RMP64: variants seen among roughly 807,000 people sequenced by gnomAD.
RMP64 encodes the protein ribonuclease MRP subunit p64, also known as nucleolus and neural progenitor protein.
At chr3:113,019,650 G>A in the RMP64 span, 1 of 1,611,520 alleles carries the variant, frequency 6.2e-7, no homozygotes, top group Non-Finnish European at 8.5e-7. Context: ...GCCATCATGC[G>A]AGGCGGGGGG....
the RMP64 span, chr3:113,010,899 C>T: frequency 2.4e-6 from 2 of 843,876 alleles, no homozygotes; most frequent in Non-Finnish European, 1.8e-6. Context: ...ACAGGTATTA[C>T]CATACCTCTC....
the RMP64 span, chr3:113,019,492 GC>G: frequency 6.8e-7 from 1 of 1,472,380 alleles, no homozygotes; most frequent in Non-Finnish European, 9.4e-7. Context: ...GCTGGGCCTG[GC>G]GGCCTCCCCC....
chr3:113,013,047 A>G, the RMP64 span: 5 of 621,634 alleles, frequency 8.0e-6, no homozygotes, highest in South Asian at 6.2e-5. Flanking sequence ...AAGAATTTCT[A>G]GCTATCAATG....
At chr3:113,007,473 T>TA in the RMP64 span, among the ~76,000 whole-genome samples, 11 of 152,028 alleles carry the variant, frequency 7.2e-5, no homozygotes, top group Non-Finnish European at 1.2e-4. Flanking sequence ...AAGAATACAA[T>TA]AAAAAACAGG....
chr3:113,011,121 T>A, the RMP64 span: 1 of 1,611,850 alleles, frequency 6.2e-7, no homozygotes, highest in Non-Finnish European at 8.5e-7. Context: ...TTTGTTTAGC[T>A]TTTTTTGAAA....
the RMP64 span, chr3:113,003,001 CAGG>C: frequency 6.6e-6 from 1 of 152,312 alleles, no homozygotes; most frequent in Non-Finnish European, 1.5e-5. Context: ...AAGTGACACA[CAGG>C]AGGTCTCAAA....
the RMP64 span, chr3:113,010,717 A>G: frequency 1.9e-6 from 3 of 1,608,642 alleles, no homozygotes; most frequent in Non-Finnish European, 2.6e-6. Flanking sequence ...GTGGAGGTGG[A>G]AAAATTGCAG....
At chr3:113,012,736 T>TA in the RMP64 span, 1 of 1,569,608 alleles carries the variant, frequency 6.4e-7, no homozygotes, top group South Asian at 1.1e-5. Context: ...GTACATACCA[T>TA]AACCTGCTCA....
At chr3:113,006,325 C>G in the RMP64 span, among the ~76,000 whole-genome samples, 10 of 152,128 alleles carry the variant, frequency 6.6e-5, no homozygotes, top group Non-Finnish European at 1.2e-4. Flanking sequence ...CTAATCTGTT[C>G]ATAATGTAAT....
the RMP64 span, chr3:113,005,825 A>C: frequency 6.2e-7 from 1 of 1,613,890 alleles, no homozygotes. Flanking sequence ...CCCTTGAGAG[A>C]ACTGCTGAAT....
At chr3:113,015,611 G>A in the RMP64 span, among the ~76,000 whole-genome samples, 6 of 149,762 alleles carry the variant, frequency 4.0e-5, no homozygotes, top group Admixed American at 3.3e-4. Flanking sequence ...TTCCATTTAG[G>A]GGAATGTTTA....
chr3:113,010,616 A>C, the RMP64 span: 7 of 1,585,686 alleles, frequency 4.4e-6, no homozygotes, highest in Non-Finnish European at 6.1e-6. Flanking sequence ...AGAAATCATA[A>C]GCTAAATTTA....
At chr3:113,008,260 C>T in the RMP64 span, 1 of 1,614,096 alleles carries the variant, frequency 6.2e-7, no homozygotes, top group East Asian at 2.2e-5. Context: ...GTTTTTTGCT[C>T]CTGCACCATA....
the RMP64 span, chr3:113,019,505 G>A: frequency 2.6e-6 from 4 of 1,544,066 alleles, no homozygotes; most frequent in Non-Finnish European, 3.6e-6. Flanking sequence ...GCCTCCCCCG[G>A]AAACGTTCCC....
the RMP64 span, chr3:113,013,348 C>G: frequency 6.2e-7 from 1 of 1,613,906 alleles, no homozygotes; most frequent in Non-Finnish European, 8.5e-7. Context: ...AACACCAACT[C>G]CACCACTGGC....
chr3:113,005,259 T>C, the RMP64 span: 1 of 427,710 alleles, frequency 2.3e-6, no homozygotes, highest in South Asian at 2.9e-5. Flanking sequence ...CTTACTAGCC[T>C]CACTCAAGGA....
the RMP64 span, among the ~76,000 whole-genome samples, chr3:113,007,199 G>C: frequency 0.83 from 126,841 of 152,130 alleles, 53,078 homozygotes; most frequent in African/African-American, 0.87. Context: ...CTTTAGAGGA[G>C]CCATCTCAAT....
the RMP64 span, chr3:113,011,499 G>A: frequency 8.7e-7 from 1 of 1,152,328 alleles, no homozygotes; most frequent in Non-Finnish European, 1.2e-6. Flanking sequence ...AAAATAAATG[G>A]CTATCAAGGT....
chr3:113,019,522 T>G, the RMP64 span: 1 of 1,594,176 alleles, frequency 6.3e-7, no homozygotes, highest in Non-Finnish European at 8.6e-7. Flanking sequence ...TCCCCCATCC[T>G]CGCCCGGCGC....
Sources: allele counts gnomAD v4.1 joint callset (sites outside exome capture counted in the v4.1 genomes callset), GRCh38; gene constraint gnomAD v4.1.1; transcripts MANE v1.5; gene names NCBI Gene and HGNC (gene_info 2026-07-23, HGNC 2026-07-21).